Variants in CLHC1 observed in about 807,000 individuals in gnomAD.
The protein encoded by CLHC1 is clathrin heavy chain linker domain containing 1.
CLHC1 carries 72 observed loss-of-function variants against 69.5 expected under a neutral mutation model. The observed-to-expected ratio is 1.04, with a 90% CI of 0.86 to 1.26. CLHC1 has a LOEUF of 1.26. Among genes scored for constraint, CLHC1 ranks in the 50% most tolerant of loss-of-function variants. CLHC1 has a pLI of 0.00. For synonymous variants in CLHC1, 223 were observed against 224.3 expected (o/e 0.99, Z 0.05); for missense variants, 790 against 679.3 (o/e 1.16, Z -1.81).
chr2:55,200,940 A>G (rs1257324259), intron 9 of CLHC1, among the ~76,000 whole-genome samples: 1 of 152,198 alleles, frequency 6.6e-6, no homozygotes, highest in African/African-American at 2.4e-5. Context: ...TACACAGGTC[A>G]ATGAAGAGAT....
In CLHC1 at chr2:55,177,623, C is replaced by A. The variant is rs1469147865; in HGVS notation, c.1543G>T (p.Glu515Ter). 2 of 1,604,488 alleles carry A rather than the reference C, an allele frequency of 1.2e-6. No homozygotes were observed. The highest frequency in any genetic ancestry group is 2.2e-5 in the East Asian group (1 of 44,744). ...MKKVGIKLLQ[E>*]INKGGIDAVE... Reference sequence around the variant, plus strand: ...TTACCTATCCCACCTTTATTGATTTCTTGAAGTAGCTTAATGCCAACTTTT... The same window carrying A: ...TTACCTATCCCACCTTTATTGATTTATTGAAGTAGCTTAATGCCAACTTTT... The change falls in exon 12 of 13, where the codon GAA becomes TAA. Residue 515 changes from glutamate (E) to a stop codon, truncating the protein, a stop_gained. Transcript: ENST00000401408. LOFTEE classifies it high-confidence loss of function.
intron 9 of CLHC1, among the ~76,000 whole-genome samples, chr2:55,183,709 G>A (rs955215850): frequency 4.6e-5 from 7 of 152,216 alleles, no homozygotes; most frequent in Admixed American, 3.3e-4. Flanking sequence ...CTTGTATAGT[G>A]CTTTGAAATT....
chr2:55,210,915 AACTCCTGGACTCAAGAGATCCTCTC>A (rs1480758765), intron 5 of CLHC1, among the ~76,000 whole-genome samples: 1 of 152,116 alleles, frequency 6.6e-6, no homozygotes, highest in Admixed American at 6.5e-5. Context: ...GCTGGTCTCA[AACTCCTGGACTCAAGAGATCCTCTC>A]ACTTCAGCAT....
chr2:55,206,025 A>G (rs1390269375), intron 9 of CLHC1, among the ~76,000 whole-genome samples: 4 of 152,214 alleles, frequency 2.6e-5, no homozygotes, highest in Admixed American at 1.3e-4. Flanking sequence ...CATTTATTAA[A>G]TCTTGATAGT....
At chr2:55,209,282 A>G in intron 7 of CLHC1, 122 bp downstream of exon 7, 1 of 634,674 alleles carries the variant, frequency 1.6e-6, no homozygotes, top group East Asian at 2.8e-5. Context: ...AGCGTAACAG[A>G]CAACCAGCTG....
rs547016007 is a variant in CLHC1 at position 55,190,601 on chromosome 2, T to A, written c.1007-8857A>T. On this transcript the variant is annotated intron_variant, in intron 9 of 12. Transcript: ENST00000401408. Reference sequence around the variant, plus strand: ...TTACAGAGATGAAAACTACAATGTCTGAAATGAAAAATACACTGGATGGGA... The same window carrying A: ...TTACAGAGATGAAAACTACAATGTCAGAAATGAAAAATACACTGGATGGGA... Among the ~76,000 whole-genome samples the A allele has an allele frequency of 9.9e-5, 15 of 152,170 alleles. No homozygotes were observed. The South Asian group carries it at 3.1e-3, about 32-fold the overall frequency.
chr2:55,210,731 C>G (rs1317838780), intron 5 of CLHC1, among the ~76,000 whole-genome samples: 2 of 152,176 alleles, frequency 1.3e-5, no homozygotes, highest in African/African-American at 4.8e-5. Context: ...CCAGAGTAAT[C>G]AGTTTATTAT....
chr2:55,204,042 T>C (rs1465675198), intron 9 of CLHC1, among the ~76,000 whole-genome samples: 1 of 152,128 alleles, frequency 6.6e-6, no homozygotes, highest in Admixed American at 6.5e-5. Context: ...CCCAACACTT[T>C]GGGAGGCCAA....
intron 9 of CLHC1, among the ~76,000 whole-genome samples, chr2:55,196,919 T>C (rs923194797): frequency 1.3e-5 from 2 of 152,154 alleles, no homozygotes; most frequent in African/African-American, 2.4e-5. Flanking sequence ...CAGCACTTCG[T>C]TCTTGGATGG....
At position 55,222,328 on chromosome 2, in the gene CLHC1, T is replaced by C. The variant is rs17852670; in HGVS notation, c.84A>G (p.Gln28=). 0.21 allele frequency: 339,288 copies of C among 1,612,708 alleles called. 36,869 individuals carry two copies. Among genetic ancestry groups the C allele is most frequent in the East Asian group, 0.35 (15,678 of 44,804 alleles). ...RSDKEFLESV[Q]RYIITETERL... ...TTTCAGTTTCTGTAATTATGTATCT[T>C]TGCACACTTTCCAAAAATTCCTTGT... The change falls in exon 3 of 13, where the codon CAA becomes CAG. Residue 28 remains glutamine, a synonymous_variant. Transcript: ENST00000401408.
At position 55,180,714 on chromosome 2, in the gene CLHC1, T is replaced by G. The variant is rs1669855256; in HGVS notation, c.1182-2A>C. 6.2e-7 allele frequency: 1 copy of G among 1,612,790 alleles called. No individual in the cohort carries two copies. The highest frequency in any genetic ancestry group is 8.5e-7 in the Non-Finnish European group (1 of 1,179,012). ...CCAGCCTCCTCAGAAAATGTCAGTCTAGAACAAGCAGATCAATAAGACATA... is the reference window on the plus strand; with the variant it reads ...CCAGCCTCCTCAGAAAATGTCAGTCGAGAACAAGCAGATCAATAAGACATA... On this transcript the variant is annotated splice_acceptor_variant, in intron 10 of 12. Transcript: ENST00000401408. LOFTEE classifies it high-confidence loss of function.
intron 4 of CLHC1, 104 bp downstream of exon 4, chr2:55,217,707 T>C (rs1468269108): frequency 6.4e-6 from 4 of 628,752 alleles, no homozygotes; most frequent in Non-Finnish European, 1.0e-5. Context: ...TTAAATAAAA[T>C]TGAAATTCAA....
chr2:55,182,714 A>G (rs559778835), intron 9 of CLHC1, among the ~76,000 whole-genome samples: 266 of 152,326 alleles, frequency 1.7e-3, no homozygotes, highest in African/African-American at 6.2e-3. Context: ...AGAGAATTAA[A>G]GTACGAGCAA....
rs530427291 is a variant in CLHC1, at chr2:55,173,343, G to T, written c.*2447C>A. Among the ~76,000 whole-genome samples, 6 of 152,324 alleles carry T rather than the reference G, an allele frequency of 3.9e-5. No homozygotes were observed. In the South Asian group the frequency reaches 8.3e-4, roughly 21 times the overall value. On this transcript the variant is annotated 3_prime_UTR_variant, in exon 13 of 13. Coordinates refer to ENST00000401408, the MANE Select transcript of CLHC1 (RefSeq NM_152385.4). ...AAAATACGTTGTGTGTTTCCATTAA[G>T]GTTGTAATCTTGCTAGCAGAAATTG...
intron 9 of CLHC1, among the ~76,000 whole-genome samples, chr2:55,203,461 A>G (rs1215504633): frequency 6.6e-6 from 1 of 152,208 alleles, no homozygotes; most frequent in East Asian, 1.9e-4. Context: ...ATAAAAACAG[A>G]TGCACAGTCC....
At chr2:55,213,014 T>C (rs1014219436) in intron 4 of CLHC1, among the ~76,000 whole-genome samples, 7 of 152,206 alleles carry the variant, frequency 4.6e-5, no homozygotes, top group Non-Finnish European at 7.3e-5. Flanking sequence ...CTGAACCCTA[T>C]TGGAAATTCG....
chr2:55,209,548 G>A (rs769692826), intron 6 of CLHC1, 32 bp from the exon 7 acceptor site: 5 of 1,575,454 alleles, frequency 3.2e-6, no homozygotes, highest in East Asian at 4.5e-5. Flanking sequence ...ATAACACACT[G>A]AGCCTAAAAT....
In CLHC1 at chr2:55,173,387, G is replaced by A. The variant is rs1669120965; in HGVS notation, c.*2403C>T. On this transcript the variant is annotated 3_prime_UTR_variant, in exon 13 of 13. Coordinates refer to ENST00000401408, the MANE Select transcript of CLHC1 (RefSeq NM_152385.4). ...GAAATTGTGTGCAAAACAGGTATTC[G>A]GTAGATGTTGTTGATGCTGATGTTG... 6.6e-6 allele frequency among the ~76,000 whole-genome samples: 1 copy of A among 152,152 alleles called. No homozygotes were observed.
At chr2:55,230,248 T>C (rs1675156348) in intron 1 of CLHC1, among the ~76,000 whole-genome samples, 1 of 152,146 alleles carries the variant, frequency 6.6e-6, no homozygotes, top group Non-Finnish European at 1.5e-5. Flanking sequence ...CTGCATATAT[T>C]TTGAAAATAA....
Sources: gnomAD v4.1 joint callset for allele counts (sites outside exome capture counted in the v4.1 genomes callset) on GRCh38, gnomAD v4.1.1 for gene constraint, MANE v1.5 for transcripts, NCBI Gene and HGNC (gene_info 2026-07-23, HGNC 2026-07-21) for gene names.